PSD3: variants seen among roughly 807,000 people sequenced by gnomAD.
PSD3 encodes the protein pleckstrin and Sec7 domain containing 3, also known as PH and SEC7 domain-containing protein 3.
A neutral mutation model predicts 105.5 loss-of-function variants in PSD3; 49 were observed. The observed-to-expected ratio is 0.46, with a 90% CI of 0.37 to 0.59. The LOEUF is 0.59. Ranked by LOEUF, PSD3 falls within the 20% of genes least tolerant of loss-of-function variation. The pLI is 0.00. For synonymous variants in PSD3, 557 were observed against 457.8 expected (o/e 1.22, Z -2.77); for missense variants, 1,561 against 1,263.8 (o/e 1.24, Z -3.57).
intron 8 of PSD3, among the ~76,000 whole-genome samples, chr8:18,772,827 A>G (rs7831415): frequency 7.8e-4 from 119 of 152,242 alleles, no homozygotes; most frequent in African/African-American, 2.4e-3. Flanking sequence ...ACATTTCTAG[A>G]CCATCTTTGG....
intron 14 of PSD3, among the ~76,000 whole-genome samples, chr8:18,560,395 A>G (rs1801329350): frequency 6.6e-6 from 1 of 152,162 alleles, no homozygotes; most frequent in Non-Finnish European, 1.5e-5. Context: ...TTGCTTTTAC[A>G]GTTCTTTAGG....
chr8:18,939,196 T>C (rs1822358852), intron 1 of PSD3, among the ~76,000 whole-genome samples: 2 of 152,208 alleles, frequency 1.3e-5, no homozygotes, highest in South Asian at 4.1e-4. Flanking sequence ...TGAGCAAGGA[T>C]TCTTAACCTC....
chr8:19,025,129 A>G (rs1827502059), intron 1 of PSD3, among the ~76,000 whole-genome samples: 1 of 152,150 alleles, frequency 6.6e-6, no homozygotes, highest in Admixed American at 6.5e-5. Flanking sequence ...GACTAAGACC[A>G]ACCAGACTCA....
intron 6 of PSD3, chr8:18,802,147 T>C: frequency 4.8e-6 from 1 of 209,130 alleles, no homozygotes; most frequent in African/African-American, 2.3e-5. Flanking sequence ...TATCACATTT[T>C]AATATTAATT....
intron 2 of PSD3, among the ~76,000 whole-genome samples, chr8:18,910,280 A>G (rs1274770657): frequency 2.1e-5 from 3 of 145,100 alleles, no homozygotes; most frequent in African/African-American, 7.8e-5. Flanking sequence ...AATGTGGCAC[A>G]TATACACCAT....
chr8:18,582,794 T>G (rs1336196162), intron 12 of PSD3, among the ~76,000 whole-genome samples: 1 of 149,826 alleles, frequency 6.7e-6, no homozygotes, highest in Non-Finnish European at 1.5e-5. Context: ...CAAGTCATTC[T>G]CCAACCTGCA....
chr8:18,963,394 CA>C (rs1170555607), intron 1 of PSD3, among the ~76,000 whole-genome samples: 1 of 152,196 alleles, frequency 6.6e-6, no homozygotes, highest in Non-Finnish European at 1.5e-5. Context: ...TTTTCTCATG[CA>C]AATACCAGAG....
At chr8:18,636,450 G>C (rs1807263651) in intron 10 of PSD3, among the ~76,000 whole-genome samples, 2 of 152,280 alleles carry the variant, frequency 1.3e-5, no homozygotes, top group Admixed American at 1.3e-4. Context: ...ACAGTATGCT[G>C]ATGTTAATTT....
intron 4 of PSD3, among the ~76,000 whole-genome samples, chr8:18,813,262 T>C (rs761223345): frequency 2.6e-5 from 4 of 151,844 alleles, no homozygotes; most frequent in Admixed American, 6.6e-5. Context: ...GAAGAGGGAA[T>C]GGGTAACAGT....
chr8:18,541,701 G>A (rs1248040433), intron 15 of PSD3, among the ~76,000 whole-genome samples: 2 of 151,520 alleles, frequency 1.3e-5, no homozygotes, highest in East Asian at 3.9e-4. Context: ...AGAAACGTAG[G>A]TTATATTACA....
chr8:18,806,124 C>T (rs562841677), intron 4 of PSD3, among the ~76,000 whole-genome samples: 147 of 152,244 alleles, frequency 9.7e-4, no homozygotes, highest in African/African-American at 3.5e-3. Flanking sequence ...GTACTGGTTT[C>T]ATCAAGGATT....
chr8:18,882,712 G>A (rs1370205784), intron 2 of PSD3, among the ~76,000 whole-genome samples: 1 of 151,912 alleles, frequency 6.6e-6, no homozygotes, highest in Non-Finnish European at 1.5e-5. Flanking sequence ...TTACATTTAA[G>A]TTACTTAAAA....
intron 11 of PSD3, among the ~76,000 whole-genome samples, chr8:18,609,327 T>A (rs1389013748): frequency 6.6e-6 from 1 of 152,228 alleles, no homozygotes; most frequent in Non-Finnish European, 1.5e-5. Context: ...ATGAGGTAGT[T>A]CTAATGCAAA....
intron 10 of PSD3, among the ~76,000 whole-genome samples, chr8:18,638,890 GAA>G (rs1203430686): frequency 1.3e-5 from 2 of 152,038 alleles, no homozygotes; most frequent in Non-Finnish European, 2.9e-5. Flanking sequence ...AGAAAGCCCA[GAA>G]AAAAATCCCA....
chr8:18,768,413 C>T (rs13282718), intron 8 of PSD3, among the ~76,000 whole-genome samples: 70,628 of 151,974 alleles, frequency 0.46, 18,766 homozygotes, highest in Non-Finnish European at 0.61. Flanking sequence ...CAAGACTAGC[C>T]TGGGTAACAT....
At chr8:19,039,706 C>T (rs1828059832) in intron 1 of PSD3, among the ~76,000 whole-genome samples, 1 of 152,156 alleles carries the variant, frequency 6.6e-6, no homozygotes, top group African/African-American at 2.4e-5. Context: ...TCTCTCATCC[C>T]ACATAAACAG....
intron 1 of PSD3, among the ~76,000 whole-genome samples, chr8:18,984,192 A>AAAT (rs59486224): frequency 0.2 from 29,158 of 146,302 alleles, 3,460 homozygotes; most frequent in Non-Finnish European, 0.28. Flanking sequence ...CCTTCAATTA[A>AAAT]AATAATAATA....
At chr8:18,937,094 G>T (rs13263820) in intron 1 of PSD3, among the ~76,000 whole-genome samples, 15,305 of 152,116 alleles carry the variant, frequency 0.1, 819 homozygotes, top group Middle Eastern at 0.24. Context: ...TCCTAACTCT[G>T]AACTCCTAAG....
chr8:18,667,502 G>C (rs1338275134), intron 9 of PSD3, among the ~76,000 whole-genome samples: 1 of 152,180 alleles, frequency 6.6e-6, no homozygotes, highest in Non-Finnish European at 1.5e-5. Context: ...GTGCCCACTG[G>C]TGCCTCCACA....
Sources: gnomAD v4.1 joint callset for allele counts (sites outside exome capture counted in the v4.1 genomes callset) on GRCh38, gnomAD v4.1.1 for gene constraint, MANE v1.5 for transcripts, NCBI Gene and HGNC (gene_info 2026-07-23, HGNC 2026-07-21) for gene names.